Variants in NAV3 observed in about 807,000 individuals in gnomAD.
NAV3 encodes the protein pore membrane and/or filament interacting like protein 1.
A neutral mutation model predicts 244.7 loss-of-function variants in NAV3; 87 were observed. That is an observed-to-expected ratio of 0.36 (90% CI 0.30 to 0.42). The LOEUF (loss-of-function observed/expected upper bound fraction) is 0.42. NAV3 is among the 20% of genes least tolerant of loss of function. NAV3 has a pLI of 1.00. For synonymous variants in NAV3, 1,126 were observed against 1,042.2 expected (o/e 1.08, Z -1.55); for missense variants, 2,663 against 2,893.3 (o/e 0.92, Z 1.83).
intron 2 of NAV3, among the ~76,000 whole-genome samples, chr12:77,628,902 C>CAAAAAAAAAAAAA (rs200250331): frequency 2.8e-4 from 24 of 86,630 alleles, no homozygotes; most frequent in African/African-American, 8.5e-4. Flanking sequence ...ACCCTGTCTC[C>CAAAAAAAAAAAAA]AAAAAAAAAA....
chr12:77,751,719 A>G (rs1321422473), intron 2 of NAV3, among the ~76,000 whole-genome samples: 2 of 152,196 alleles, frequency 1.3e-5, no homozygotes, highest in African/African-American at 4.8e-5. Context: ...ACTAATACAT[A>G]CATTGTTCCT....
intron 18 of NAV3, among the ~76,000 whole-genome samples, chr12:78,133,550 C>A (rs1956251933): frequency 6.7e-6 from 1 of 150,264 alleles, no homozygotes; most frequent in Non-Finnish European, 1.5e-5. Context: ...TTTCTTTATT[C>A]TTTCTACCAA....
intron 18 of NAV3, among the ~76,000 whole-genome samples, chr12:78,134,211 AC>A (rs1275950809): frequency 6.6e-6 from 1 of 152,134 alleles, no homozygotes; most frequent in African/African-American, 2.4e-5. Flanking sequence ...TTCGTGTTCA[AC>A]CTTCAATCTT....
chr12:77,839,337 A>G (rs568730348), intron 1 of NAV3, among the ~76,000 whole-genome samples: 1 of 152,228 alleles, frequency 6.6e-6, no homozygotes, highest in Non-Finnish European at 1.5e-5. Context: ...CAATTGCTCC[A>G]TATTTCCTAT....
chr12:77,738,549 A>ATG (rs1285574671), intron 2 of NAV3, among the ~76,000 whole-genome samples: 1 of 152,236 alleles, frequency 6.6e-6, no homozygotes, highest in Non-Finnish European at 1.5e-5. Flanking sequence ...GTTCAAGCAC[A>ATG]TACACACTCT....
chr12:77,718,865 A>G (rs901388219), intron 2 of NAV3, among the ~76,000 whole-genome samples: 3 of 151,998 alleles, frequency 2.0e-5, no homozygotes, highest in Non-Finnish European at 4.4e-5. Context: ...CATGTTGGTC[A>G]GGTGGTCTCA....
intron 2 of NAV3, among the ~76,000 whole-genome samples, chr12:77,801,210 G>A (rs1337737665): frequency 6.6e-6 from 1 of 152,026 alleles, no homozygotes; most frequent in Non-Finnish European, 1.5e-5. Flanking sequence ...CTGGCAGAGT[G>A]GGTATCTCAT....
At chr12:77,865,857 G>C (rs540973915) in intron 1 of NAV3, among the ~76,000 whole-genome samples, 1 of 151,428 alleles carries the variant, frequency 6.6e-6, no homozygotes, top group East Asian at 1.9e-4. Flanking sequence ...AACAAACTTT[G>C]CCATTTCCTG....
intron 7 of NAV3, among the ~76,000 whole-genome samples, chr12:78,001,491 T>C (rs1182400502): frequency 1.3e-5 from 2 of 152,190 alleles, no homozygotes; most frequent in African/African-American, 4.8e-5. Flanking sequence ...TTCACTTCTA[T>C]ATTAAAAAAA....
chr12:77,822,519 A>G (rs1872787644), intron 2 of NAV3, among the ~76,000 whole-genome samples: 1 of 152,180 alleles, frequency 6.6e-6, no homozygotes, highest in South Asian at 2.1e-4. Context: ...CAGTGGGAAT[A>G]CTGGTAAGAA....
chr12:77,840,844 G>A (rs1421348407), intron 1 of NAV3, among the ~76,000 whole-genome samples: 2 of 152,066 alleles, frequency 1.3e-5, no homozygotes, highest in African/African-American at 2.4e-5. Context: ...CCTCTCTGAT[G>A]TTTCCTCACA....
intron 9 of NAV3, among the ~76,000 whole-genome samples, chr12:78,031,938 C>T (rs1285303661): frequency 6.6e-6 from 1 of 151,638 alleles, no homozygotes; most frequent in Non-Finnish European, 1.5e-5. Flanking sequence ...TTCCACTACA[C>T]CTAAAACTAA....
In NAV3 at chr12:77,767,634, C is replaced by G. The variant is rs140868824; in HGVS notation, c.73-172685C>G. Among the ~76,000 whole-genome samples, 557 of 152,298 alleles carry G rather than the reference C, an allele frequency of 3.7e-3. 5 individuals carry two copies. The highest frequency in any genetic ancestry group is 0.013 in the African/African-American group (538 of 41,558). ...AGCACAGACACCGGCTCCATGTAAGCCTGCAGCTAAATCACATGCATGACA... is the reference window on the plus strand; with the variant it reads ...AGCACAGACACCGGCTCCATGTAAGGCTGCAGCTAAATCACATGCATGACA... On this transcript the variant is annotated intron_variant, in intron 2 of 8. Coordinates refer to the NAV3 transcript ENST00000550042.
At chr12:78,078,005 T>TG (rs749173525) in intron 12 of NAV3, among the ~76,000 whole-genome samples, 38 of 152,160 alleles carry the variant, frequency 2.5e-4, no homozygotes, top group Non-Finnish European at 5.1e-4. Context: ...ATCCATGCTT[T>TG]GGTAGGCTTG....
intron 23 of NAV3, among the ~76,000 whole-genome samples, chr12:78,167,038 C>A (rs2139525905): frequency 6.6e-6 from 1 of 151,524 alleles, no homozygotes; most frequent in Non-Finnish European, 1.5e-5. Context: ...CCATTTATTT[C>A]TTTTTGAATA....
chr12:78,203,954 C>G (rs186784400), intron 38 of NAV3, among the ~76,000 whole-genome samples: 15 of 150,524 alleles, frequency 1.0e-4, no homozygotes, highest in Admixed American at 8.7e-4. Flanking sequence ...TTATCTGATT[C>G]TTCCATTCCA....
At chr12:77,712,065 C>A (rs1189327235) in intron 2 of NAV3, among the ~76,000 whole-genome samples, 1 of 152,148 alleles carries the variant, frequency 6.6e-6, no homozygotes, top group Non-Finnish European at 1.5e-5. Flanking sequence ...AAACCACCTG[C>A]AACTTGAGCA....
intron 4 of NAV3, 27 bp from the exon 5 acceptor site, chr12:77,968,491 CT>C (rs748082346): frequency 6.4e-6 from 10 of 1,560,944 alleles, no homozygotes; most frequent in Middle Eastern, 1.7e-4. Flanking sequence ...ACATATGATT[CT>C]TTTTTTGTAT....
At chr12:78,147,756 C>G (rs1188060586) in intron 21 of NAV3, among the ~76,000 whole-genome samples, 1 of 151,936 alleles carries the variant, frequency 6.6e-6, no homozygotes, top group East Asian at 1.9e-4. Flanking sequence ...ATGCCCGGGG[C>G]AAAAACTAGA....
Sources: allele counts gnomAD v4.1 joint callset (sites outside exome capture counted in the v4.1 genomes callset), GRCh38; gene constraint gnomAD v4.1.1; transcripts MANE v1.5; gene names NCBI Gene and HGNC (gene_info 2026-07-23, HGNC 2026-07-21).